PIK3R5: variants seen among roughly 807,000 people sequenced by gnomAD.
PIK3R5 encodes phosphoinositide 3-kinase regulatory subunit 5.
A neutral mutation model predicts 94.9 loss-of-function variants in PIK3R5; 32 were observed. That is an observed-to-expected ratio of 0.34 (90% confidence interval 0.25 to 0.45). PIK3R5 has a LOEUF of 0.45. PIK3R5 is among the 20% of genes least tolerant of loss of function. The pLI, the probability that PIK3R5 is intolerant of heterozygous loss-of-function variation, is 1.00. For missense variants in PIK3R5, 853 were observed against 1,144.6 expected (o/e 0.75, Z 3.68); for synonymous variants, 443 against 479.4 (o/e 0.92, Z 0.99).
chr17:8,913,066 CTG>C (rs933074922), intron 1 of PIK3R5, among the ~76,000 whole-genome samples: 101 of 152,200 alleles, frequency 6.6e-4, no homozygotes, highest in Non-Finnish European at 2.1e-4. Flanking sequence ...GACACAGACA[CTG>C]AGCAATGGAG....
chr17:8,924,569 T>C (rs1050519678), intron 1 of PIK3R5, among the ~76,000 whole-genome samples: 1 of 152,184 alleles, frequency 6.6e-6, no homozygotes, highest in African/African-American at 2.4e-5. Flanking sequence ...GCTTTTCTTC[T>C]CTTCCAGAGT....
At position 8,884,636 on chromosome 17, in the gene PIK3R5, G is replaced by T. The variant is rs1296535428; in HGVS notation, c.2205+71C>A. The T allele has an allele frequency of 8.0e-7, 1 of 1,249,126 alleles. No homozygotes were observed. Among genetic ancestry groups the T allele is most frequent in the Non-Finnish European group, 1.2e-6 (1 of 856,926 alleles). The allele number at this position is 1,249,126 out of a possible 1,614,324, so 77.4% of individuals were successfully genotyped here. On this transcript the variant is annotated intron_variant, in intron 15 of 18. Coordinates refer to ENST00000447110, the MANE Select transcript of PIK3R5 (RefSeq NM_001142633.3). This position sits in a 1 kb window ranked among gnomAD's most constrained non-coding sequence, Gnocchi z 5.8. ...CCAGGAACACACGAGTCCAGCTCTGGGTCCAAGCTCTGGCGGAGGAAGTAT... is the reference window on the plus strand; with the variant it reads ...CCAGGAACACACGAGTCCAGCTCTGTGTCCAAGCTCTGGCGGAGGAAGTAT...
intron 1 of PIK3R5, among the ~76,000 whole-genome samples, chr17:8,948,059 A>AG (rs1567670303): frequency 6.6e-6 from 1 of 150,554 alleles, no homozygotes; most frequent in African/African-American, 2.4e-5. Flanking sequence ...AAAAAAAAAA[A>AG]AAAAAAAGAA....
At chr17:8,899,882 A>G (rs2090241595) in intron 5 of PIK3R5, among the ~76,000 whole-genome samples, 2 of 152,160 alleles carry the variant, frequency 1.3e-5, no homozygotes, top group Admixed American at 1.3e-4. Context: ...TACTAAAAAT[A>G]CAAAAATTAG....
At chr17:8,887,762 G>T in intron 10 of PIK3R5, 79 bp from the exon 11 acceptor site, 1 of 1,384,082 alleles carries the variant, frequency 7.2e-7, no homozygotes, top group Non-Finnish European at 9.9e-7. Flanking sequence ...GGAGGCTGAG[G>T]TGGGTGGATC....
At chr17:8,962,860 C>T (rs1005694339) in intron 1 of PIK3R5, among the ~76,000 whole-genome samples, 1 of 152,226 alleles carries the variant, frequency 6.6e-6, no homozygotes, top group African/African-American at 2.4e-5. Context: ...GTCAGATGTA[C>T]TCTTTCCTTT....
At chr17:8,926,384 T>A (rs1036931633) in intron 1 of PIK3R5, among the ~76,000 whole-genome samples, 1 of 151,896 alleles carries the variant, frequency 6.6e-6, no homozygotes, top group South Asian at 2.1e-4. Context: ...TGAAAAAAAA[T>A]GTCTATATCG....
At chr17:8,907,553 C>T (rs1181359115) in intron 3 of PIK3R5, among the ~76,000 whole-genome samples, 1 of 150,850 alleles carries the variant, frequency 6.6e-6, no homozygotes, top group Admixed American at 6.6e-5. Context: ...AGGATTTTGC[C>T]ATTTATACTA....
At chr17:8,921,780 A>G (rs1597405340) in intron 1 of PIK3R5, among the ~76,000 whole-genome samples, 1 of 152,238 alleles carries the variant, frequency 6.6e-6, no homozygotes. Context: ...AATTAATTCA[A>G]AAAGGATCAA....
In PIK3R5 at chr17:8,889,133, C is replaced by T; in HGVS notation, c.895+6G>A. ...CATGGGTGTCACCAGGGCCCCGGCT[C>T]CTTACCAAAGCTGTCCTGGCTCCAG... On this transcript the variant is annotated splice_donor_region_variant and intron_variant, in intron 9 of 18. Coordinates refer to ENST00000447110, the MANE Select transcript of PIK3R5 (RefSeq NM_001142633.3). The surrounding 1 kb of genome is among the most constrained non-coding windows in gnomAD (Gnocchi z 4.1). 1 of 1,613,108 alleles carries T rather than the reference C, an allele frequency of 6.2e-7. No homozygotes were observed. Among genetic ancestry groups the T allele is most frequent in the Non-Finnish European group, 8.5e-7 (1 of 1,179,456 alleles).
At chr17:8,950,547 A>G (rs2091358453) in intron 1 of PIK3R5, among the ~76,000 whole-genome samples, 1 of 152,110 alleles carries the variant, frequency 6.6e-6, no homozygotes, top group Admixed American at 6.5e-5. Flanking sequence ...AACATATGGT[A>G]TTTGGTTTTC....
rs2091255525 is a variant in PIK3R5 at position 8,945,406 on chromosome 17, GTA to G, written c.-14+20188_-14+20189del. Among the ~76,000 whole-genome samples the G allele has an allele frequency of 6.6e-6, 1 of 152,148 alleles. No homozygotes were observed. Among genetic ancestry groups the G allele is most frequent in the Non-Finnish European group, 1.5e-5 (1 of 68,034 alleles). On this transcript the variant is annotated intron_variant, in intron 1 of 18. Transcript: ENST00000447110. The surrounding 1 kb of genome is among the most constrained non-coding windows in gnomAD (Gnocchi z 4.0). ...GGAATGAGAAACTGGTCCCAGGGCTGTATTCCCTCCACCTGGCAGCCCCTTGG... is the reference window on the plus strand; with the variant it reads ...GGAATGAGAAACTGGTCCCAGGGCTGTTCCCTCCACCTGGCAGCCCCTTGG...
intron 1 of PIK3R5, among the ~76,000 whole-genome samples, chr17:8,958,257 T>G (rs2091496712): frequency 6.8e-6 from 1 of 146,768 alleles, no homozygotes. Context: ...TTCGCACCAC[T>G]GCACTCCAGA....
intron 1 of PIK3R5, among the ~76,000 whole-genome samples, chr17:8,962,806 T>C (rs1192953394): frequency 6.6e-6 from 1 of 152,186 alleles, no homozygotes; most frequent in Admixed American, 6.5e-5. Context: ...TACTATGTAA[T>C]ATATGTTTGC....
intron 15 of PIK3R5, among the ~76,000 whole-genome samples, chr17:8,883,417 C>G (rs551665765): frequency 2.0e-5 from 3 of 152,314 alleles, no homozygotes; most frequent in African/African-American, 7.2e-5. Flanking sequence ...AATTAAGGCT[C>G]TTGGTATGCT....
chr17:8,897,421 G>A (rs2090175878), intron 5 of PIK3R5, among the ~76,000 whole-genome samples: 1 of 152,226 alleles, frequency 6.6e-6, no homozygotes. Flanking sequence ...CTCTGAACAG[G>A]TGCAGTGACC....
chr17:8,895,951 C>T (rs1215668074), intron 5 of PIK3R5, among the ~76,000 whole-genome samples: 2 of 152,164 alleles, frequency 1.3e-5, no homozygotes, highest in African/African-American at 4.8e-5. Flanking sequence ...CAACCCCCTT[C>T]CTTGGCCTCT....
Position 8,881,007 on chromosome 17 carries a change from G to A in PIK3R5, c.2393C>T (p.Ser798Leu), listed in dbSNP as rs772088859. The part of the protein sequence containing the change: ...SKKGFNQIST[S>L]QIKVDKVQII... ...CTGCACCTTGTCCACTTTGATCTGC[G>A]ATGTGCTAATCTGGAAGGAAGGCCC... Residue 798 changes from serine (S) to leucine (L), a missense_variant, in exon 18 of 19, where the codon TCG (serine) becomes TTG (leucine). Transcript: ENST00000447110. The surrounding 1 kb of genome is among the most constrained non-coding windows in gnomAD (Gnocchi z 4.8). 3.0e-5 allele frequency: 49 copies of A among 1,613,488 alleles called. No individual in the cohort carries two copies. Among genetic ancestry groups the A allele is most frequent in the Non-Finnish European group, 3.9e-5 (46 of 1,179,538 alleles).
At chr17:8,910,796 C>G (rs776426815) in intron 2 of PIK3R5, among the ~76,000 whole-genome samples, 4 of 151,894 alleles carry the variant, frequency 2.6e-5, no homozygotes, top group Non-Finnish European at 5.9e-5. Context: ...CACTGGGTGG[C>G]TACTCACGGA....
Sources: gnomAD v4.1 joint callset for allele counts (sites outside exome capture counted in the v4.1 genomes callset) on GRCh38, gnomAD v4.1.1 for gene constraint, Gnocchi (gnomAD v3.1) non-coding constraint, MANE v1.5 for transcripts, NCBI Gene and HGNC (gene_info 2026-07-23, HGNC 2026-07-21) for gene names.